Variants in ATOSA observed in about 807,000 individuals in gnomAD.
The protein encoded by ATOSA is atos homolog protein A.
At chr15:52,677,737 A>G in the ATOSA span, among the ~76,000 whole-genome samples, 1 of 152,236 alleles carries the variant, frequency 6.6e-6, no homozygotes, top group Non-Finnish European at 1.5e-5. Flanking sequence ...TTGTGGCAAC[A>G]GATACAAATA....
the ATOSA span, among the ~76,000 whole-genome samples, chr15:52,697,991 T>G: frequency 8.5e-6 from 1 of 118,318 alleles, no homozygotes; most frequent in African/African-American, 3.5e-5. Context: ...TTTTTTTTTT[T>G]TGTGAGACAG....
chr15:52,649,618 T>C, the ATOSA span: 2 of 152,210 alleles, frequency 1.3e-5, no homozygotes, highest in Admixed American at 6.5e-5. Flanking sequence ...ATCACTGTTT[T>C]TGAGAATTAA....
chr15:52,622,923 G>C, the ATOSA span, among the ~76,000 whole-genome samples: 1 of 151,806 alleles, frequency 6.6e-6, no homozygotes, highest in South Asian at 2.1e-4. Flanking sequence ...AGGAGTTTGA[G>C]ACCAGCCTGG....
chr15:52,647,302 C>A, the ATOSA span, among the ~76,000 whole-genome samples: 1 of 151,316 alleles, frequency 6.6e-6, no homozygotes, highest in African/African-American at 2.4e-5. Flanking sequence ...AGAATGGAAA[C>A]CAGATTAAAC....
the ATOSA span, among the ~76,000 whole-genome samples, chr15:52,600,420 G>A: frequency 6.6e-6 from 1 of 151,956 alleles, no homozygotes; most frequent in Non-Finnish European, 1.5e-5. Context: ...GGAGACTACA[G>A]GTGTGAGTCA....
At chr15:52,602,978 C>T in the ATOSA span, among the ~76,000 whole-genome samples, 3 of 152,154 alleles carry the variant, frequency 2.0e-5, no homozygotes, top group Non-Finnish European at 1.5e-5. Context: ...TATACTTCTT[C>T]CAGAATCTCT....
chr15:52,617,785 C>CCAAT, the ATOSA span, among the ~76,000 whole-genome samples: 1 of 30,218 alleles, frequency 3.3e-5, no homozygotes, highest in South Asian at 1.3e-3. Flanking sequence ...TTATTATATA[C>CCAAT]AAATAATTTA....
At chr15:52,650,789 T>C in the ATOSA span, among the ~76,000 whole-genome samples, 2 of 152,176 alleles carry the variant, frequency 1.3e-5, no homozygotes, top group African/African-American at 4.8e-5. Context: ...CACTTAGCCA[T>C]GTAAAACGAA....
chr15:52,587,338 T>C, the ATOSA span: 1 of 832,476 alleles, frequency 1.2e-6, no homozygotes. Flanking sequence ...TGGAAAAACA[T>C]TCATATTGAA....
At chr15:52,615,684 T>C in the ATOSA span, among the ~76,000 whole-genome samples, 16 of 152,174 alleles carry the variant, frequency 1.1e-4, no homozygotes, top group Non-Finnish European at 2.2e-4. Context: ...GGAAGGCTTA[T>C]CAGGAAAGGA....
the ATOSA span, among the ~76,000 whole-genome samples, chr15:52,643,151 A>G: frequency 6.6e-6 from 1 of 152,196 alleles, no homozygotes. Flanking sequence ...CGTACCATGA[A>G]AAAATTTTGT....
the ATOSA span, among the ~76,000 whole-genome samples, chr15:52,593,074 A>C: frequency 3.3e-5 from 5 of 152,108 alleles, no homozygotes; most frequent in African/African-American, 1.2e-4. Flanking sequence ...TGAGGCCAGA[A>C]GTTTGAGGCT....
chr15:52,674,964 TCTAA>T, the ATOSA span, among the ~76,000 whole-genome samples: 4 of 152,032 alleles, frequency 2.6e-5, no homozygotes, highest in Non-Finnish European at 5.9e-5. Flanking sequence ...CATATTTCAT[TCTAA>T]CTGTGAGAAG....
At chr15:52,661,576 A>G in the ATOSA span, among the ~76,000 whole-genome samples, 1 of 152,238 alleles carries the variant, frequency 6.6e-6, no homozygotes, top group African/African-American at 2.4e-5. Context: ...TCAGAATAAC[A>G]AAATTATTTT....
the ATOSA span, among the ~76,000 whole-genome samples, chr15:52,599,074 C>T: frequency 6.6e-6 from 1 of 152,226 alleles, no homozygotes; most frequent in Non-Finnish European, 1.5e-5. Flanking sequence ...AATTAAACCT[C>T]TTTTCTTTAT....
At chr15:52,625,405 T>C in the ATOSA span, among the ~76,000 whole-genome samples, 1 of 152,182 alleles carries the variant, frequency 6.6e-6, no homozygotes, top group African/African-American at 2.4e-5. Flanking sequence ...ACATAAATAT[T>C]CTCATCTACA....
At chr15:52,678,169 G>T in the ATOSA span, 2 of 942,746 alleles carry the variant, frequency 2.1e-6, no homozygotes, top group Non-Finnish European at 3.4e-6. Context: ...TCTAATACCC[G>T]GACCTTGCAA....
the ATOSA span, among the ~76,000 whole-genome samples, chr15:52,594,878 A>G: frequency 6.6e-6 from 1 of 152,156 alleles, no homozygotes; most frequent in African/African-American, 2.4e-5. Flanking sequence ...AGTATCACCT[A>G]CCACTTAAAA....
chr15:52,602,527 GT>G, the ATOSA span, among the ~76,000 whole-genome samples: 1 of 151,988 alleles, frequency 6.6e-6, no homozygotes, highest in African/African-American at 2.4e-5. Flanking sequence ...ATGTGGGATA[GT>G]TTCATGTTTC....
Sources: allele counts gnomAD v4.1 joint callset (sites outside exome capture counted in the v4.1 genomes callset), GRCh38; gene constraint gnomAD v4.1.1; transcripts MANE v1.5; gene names NCBI Gene and HGNC (gene_info 2026-07-23, HGNC 2026-07-21).